The following ZNF177 variants were observed in gnomAD, a reference collection of about 807,000 sequenced individuals.
ZNF177 encodes the protein zinc finger protein 177.
ZNF177 carries 17 observed loss-of-function variants against 19.4 expected under a neutral mutation model. That is an observed-to-expected ratio of 0.87 (90% CI 0.60 to 1.31). The LOEUF (loss-of-function observed/expected upper bound fraction) is 1.31, where lower values mean the gene tolerates loss of function less well. Among genes scored for constraint, ZNF177 ranks in the 40% most tolerant of loss-of-function variants. The pLI, the probability that ZNF177 is intolerant of heterozygous loss-of-function variation, is 0.00. For missense variants in ZNF177, 633 were observed against 561.8 expected, an observed-to-expected ratio of 1.13 and a Z score of -1.28; for synonymous variants, 220 against 188.7, an observed-to-expected ratio of 1.17 and a Z score of -1.36.
intron 5 of ZNF177, 143 bp from the exon 8 acceptor site, chr19:9,380,525 C>T: frequency 2.7e-6 from 4 of 1,502,770 alleles, no homozygotes; most frequent in Admixed American, 4.1e-5. Flanking sequence ...GGGCAAAAGT[C>T]ATACGCACCT....
exon 2 of ZNF177, chr19:9,364,912 C>T (rs1178572620): frequency 1.3e-5 from 2 of 152,086 alleles, no homozygotes; most frequent in Non-Finnish European, 2.9e-5. Context: ...GTCTGACGAG[C>T]AAGGGGAAGG....
intron 2 of ZNF177, among the ~76,000 whole-genome samples, chr19:9,368,568 T>C (rs180839479): frequency 6.6e-6 from 1 of 152,304 alleles, no homozygotes; most frequent in African/African-American, 2.4e-5. Context: ...TCGTATTTTC[T>C]GCTCTTCCCG....
intron 2 of ZNF177, among the ~76,000 whole-genome samples, chr19:9,365,825 G>GT (rs538783613): frequency 2.2e-3 from 328 of 152,170 alleles, no homozygotes; most frequent in African/African-American, 7.6e-3. Context: ...TTGAGGGATA[G>GT]TAAGAGAGGT....
intron 2 of ZNF177, among the ~76,000 whole-genome samples, chr19:9,367,581 T>C (rs975030431): frequency 6.6e-6 from 1 of 152,224 alleles, no homozygotes; most frequent in Non-Finnish European, 1.5e-5. Context: ...TTTGGACTTA[T>C]TTTCCTTAGA....
chr19:9,379,497 C>G, intron 3 of ZNF177, 30 bp from the exon 6 acceptor site: 1 of 1,603,942 alleles, frequency 6.2e-7, no homozygotes, highest in Non-Finnish European at 8.5e-7. Flanking sequence ...TCACACATTT[C>G]TCCCACATCC....
intron 1 of ZNF177, among the ~76,000 whole-genome samples, chr19:9,364,312 T>TAG (rs1297390555): frequency 6.6e-6 from 1 of 152,154 alleles, no homozygotes; most frequent in Non-Finnish European, 1.5e-5. Flanking sequence ...CAACTGCAGC[T>TAG]AGAGTCAACT....
exon 6 of ZNF177, chr19:9,380,804 A>G (rs752260166): frequency 1.3e-6 from 2 of 1,536,150 alleles, no homozygotes; most frequent in South Asian, 2.4e-5. Context: ...AAAGTCTTCA[A>G]CCATCCCTCA....
chr19:9,365,708 G>C (rs1192866172), intron 2 of ZNF177, among the ~76,000 whole-genome samples: 1 of 152,064 alleles, frequency 6.6e-6, no homozygotes, highest in Non-Finnish European at 1.5e-5. Context: ...CCGGAGTTTT[G>C]GGTCCATGGA....
chr19:9,380,497 A>C (rs1371000824), intron 5 of ZNF177, 171 bp from the exon 8 acceptor site: 4 of 1,327,230 alleles, frequency 3.0e-6, no homozygotes, highest in Middle Eastern at 2.3e-4. Context: ...GAGCTTATTC[A>C]ACTCGAAAAA....
exon 6 of ZNF177, chr19:9,380,933 A>C: frequency 6.5e-7 from 1 of 1,536,656 alleles, no homozygotes; most frequent in Non-Finnish European, 8.7e-7. Context: ...CCCACAGGAC[A>C]GAAGTTTCAG....
chr19:9,378,446 C>T, intron 2 of ZNF177, 102 bp downstream of exon 4: 3 of 1,539,648 alleles, frequency 1.9e-6, no homozygotes, highest in Non-Finnish European at 2.6e-6. Context: ...TCTGAGCTGG[C>T]TTCATCTTCC....
chr19:9,370,571 G>A (rs1046418337), intron 2 of ZNF177, among the ~76,000 whole-genome samples: 4 of 151,840 alleles, frequency 2.6e-5, no homozygotes, highest in African/African-American at 4.8e-5. Context: ...GCGCCACCAC[G>A]CCTGGATAAT....
chr19:9,370,467 A>G (rs2068033629), intron 2 of ZNF177, among the ~76,000 whole-genome samples: 1 of 151,048 alleles, frequency 6.6e-6, no homozygotes, highest in Non-Finnish European at 1.5e-5. Context: ...AGGCTGGAGT[A>G]CAGTGGTGTG....
upstream of ZNF177, among the ~76,000 whole-genome samples, chr19:9,374,945 AT>A (rs1568382849): frequency 6.6e-6 from 1 of 152,248 alleles, no homozygotes; most frequent in Admixed American, 6.5e-5. Context: ...AAAGCTTTCA[AT>A]TTTTTATAAT....
At chr19:9,373,777 TTTA>T (rs766882870), upstream of ZNF177, among the ~76,000 whole-genome samples, 11 of 152,230 alleles carry the variant, frequency 7.2e-5, no homozygotes, top group Admixed American at 2.6e-4. Context: ...TTACCCATTT[TTTA>T]TTCCATTTTT....
chr19:9,377,766 C>T (rs1168909596), intron 1 of ZNF177, among the ~76,000 whole-genome samples: 2 of 152,104 alleles, frequency 1.3e-5, no homozygotes, highest in Admixed American at 6.6e-5. Context: ...TGCAAATATG[C>T]TCACCTTTAT....
exon 6 of ZNF177, chr19:9,381,009 T>A (rs765090581): frequency 5.1e-6 from 8 of 1,581,160 alleles, no homozygotes; most frequent in Non-Finnish European, 6.8e-6. Context: ...AGCAAATACC[T>A]ACTGGAGAGA....
intron 2 of ZNF177, among the ~76,000 whole-genome samples, chr19:9,367,280 A>C (rs1045191234): frequency 2.0e-5 from 3 of 152,082 alleles, no homozygotes; most frequent in Non-Finnish European, 4.4e-5. Flanking sequence ...GCACCACTGC[A>C]CTCCAGCCTG....
At chr19:9,381,526 A>T (rs1221465408) in exon 6 of ZNF177, 2 of 1,614,140 alleles carry the variant, frequency 1.2e-6, no homozygotes, top group Admixed American at 3.3e-5. Context: ...TTATGAGTGT[A>T]ACCAGTGTGG....
Sources: gnomAD v4.1 joint callset for allele counts (sites outside exome capture counted in the v4.1 genomes callset) on GRCh38, gnomAD v4.1.1 for gene constraint, MANE v1.5 for transcripts, NCBI Gene and HGNC (gene_info 2026-07-23, HGNC 2026-07-21) for gene names.